Variants in MGAT4C observed in about 807,000 individuals in gnomAD.
The protein encoded by MGAT4C is alpha-1,3-mannosyl-glycoprotein 4-beta-N-acetylglucosaminyltransferase C.
In MGAT4C, 19 loss-of-function variants were observed where a neutral mutation model predicts 40.1. That is an observed-to-expected ratio of 0.47 (90% confidence interval 0.33 to 0.70). MGAT4C has a LOEUF of 0.70. Ranked by LOEUF, MGAT4C falls within the 30% of genes least tolerant of loss-of-function variation. MGAT4C has a pLI of 0.02. For synonymous variants in MGAT4C, 181 were observed against 187.1 expected (o/e 0.97, Z 0.27); for missense variants, 491 against 563.2 (o/e 0.87, Z 1.30).
chr12:86,296,584 G>A (rs576333841), intron 4 of MGAT4C, among the ~76,000 whole-genome samples: 19 of 152,324 alleles, frequency 1.2e-4, no homozygotes, highest in South Asian at 4.1e-4. Flanking sequence ...GAAATCGAGC[G>A]CAGCGCCGGT....
At chr12:86,224,750 C>T (rs1359150683) in intron 1 of MGAT4C, among the ~76,000 whole-genome samples, 3 of 151,974 alleles carry the variant, frequency 2.0e-5, no homozygotes, top group African/African-American at 4.8e-5. Context: ...TGCTTGAAAC[C>T]GATGATACAT....
chr12:86,363,251 C>T (rs909129107), intron 3 of MGAT4C, among the ~76,000 whole-genome samples: 1 of 151,914 alleles, frequency 6.6e-6, no homozygotes, highest in African/African-American at 2.4e-5. Context: ...CAAGATAGGT[C>T]TCATCTATGT....
intron 1 of MGAT4C, among the ~76,000 whole-genome samples, chr12:86,789,342 C>T (rs1008801986): frequency 1.3e-5 from 2 of 152,022 alleles, no homozygotes; most frequent in African/African-American, 4.8e-5. Flanking sequence ...ACAGCAAACC[C>T]GATCTATATT....
chr12:86,706,000 T>C (rs2136623363), intron 2 of MGAT4C, among the ~76,000 whole-genome samples: 1 of 152,292 alleles, frequency 6.6e-6, no homozygotes, highest in East Asian at 1.9e-4. Flanking sequence ...CAAGAGTCAT[T>C]CAATTCATCA....
intron 2 of MGAT4C, among the ~76,000 whole-genome samples, chr12:85,992,492 C>G (rs982814770): frequency 6.6e-6 from 1 of 152,148 alleles, no homozygotes; most frequent in Non-Finnish European, 1.5e-5. Flanking sequence ...TTCTTTCTCT[C>G]TTTTGTGGCT....
chr12:86,528,195 A>G (rs1389211368), intron 2 of MGAT4C, among the ~76,000 whole-genome samples: 1 of 152,112 alleles, frequency 6.6e-6, no homozygotes, highest in African/African-American at 2.4e-5. Flanking sequence ...GAAATAATTT[A>G]TGTATTTTTA....
intron 2 of MGAT4C, among the ~76,000 whole-genome samples, chr12:86,715,724 C>G (rs1038838287): frequency 6.6e-6 from 1 of 152,154 alleles, no homozygotes; most frequent in African/African-American, 2.4e-5. Flanking sequence ...TCCTTTTACT[C>G]TGTCACTATA....
At chr12:86,397,065 C>A (rs1417056217) in intron 3 of MGAT4C, among the ~76,000 whole-genome samples, 3 of 121,570 alleles carry the variant, frequency 2.5e-5, no homozygotes, top group Non-Finnish European at 3.5e-5. Flanking sequence ...AAGATGGAGG[C>A]CTGCATTTTA....
chr12:86,221,424 G>T (rs1469908140), intron 1 of MGAT4C, among the ~76,000 whole-genome samples: 1 of 152,104 alleles, frequency 6.6e-6, no homozygotes, highest in Non-Finnish European at 1.5e-5. Context: ...ATTCCATACT[G>T]AGGACTAAAC....
In MGAT4C at chr12:86,100,840, G is replaced by T. The variant is rs546783488; in HGVS notation, c.-56-51117C>A. Among the ~76,000 whole-genome samples, 11 of 151,552 alleles carry T rather than the reference G, an allele frequency of 7.3e-5. No homozygotes were observed. The East Asian group carries it at 1.9e-3, about 27-fold the overall frequency. On this transcript the variant is annotated intron_variant, in intron 1 of 4. Transcript: ENST00000611864. ...AATATTCATAACTGGGGCTAGCACAGTAATTGAATGTTATTAGAGAAAAGG... is the reference window on the plus strand; with the variant it reads ...AATATTCATAACTGGGGCTAGCACATTAATTGAATGTTATTAGAGAAAAGG...
intron 1 of MGAT4C, among the ~76,000 whole-genome samples, chr12:86,150,433 C>T (rs922830249): frequency 6.6e-6 from 1 of 152,202 alleles, no homozygotes; most frequent in African/African-American, 2.4e-5. Flanking sequence ...ACTGTCCCTG[C>T]ACTTCCACTC....
chr12:86,521,430 T>C (rs951911879), intron 2 of MGAT4C, among the ~76,000 whole-genome samples: 4 of 152,126 alleles, frequency 2.6e-5, no homozygotes, highest in African/African-American at 9.7e-5. Context: ...TTGGTCTATA[T>C]GTCTGTTTTT....
chr12:86,427,913 G>A (rs915003032), intron 3 of MGAT4C, among the ~76,000 whole-genome samples: 9 of 151,922 alleles, frequency 5.9e-5, no homozygotes, highest in South Asian at 2.1e-4. Context: ...CCAGCTACTC[G>A]GGAGGCTGAG....
At chr12:86,418,958 C>T (rs1002103497) in intron 3 of MGAT4C, among the ~76,000 whole-genome samples, 1 of 152,060 alleles carries the variant, frequency 6.6e-6, no homozygotes, top group African/African-American at 2.4e-5. Context: ...AGAAAAAATG[C>T]TCATATTTTT....
At chr12:86,107,065 T>C (rs1038052048) in intron 1 of MGAT4C, among the ~76,000 whole-genome samples, 1 of 152,186 alleles carries the variant, frequency 6.6e-6, no homozygotes, top group Non-Finnish European at 1.5e-5. Context: ...TAAGTGTTTT[T>C]CTTTAGTAAA....
intron 4 of MGAT4C, among the ~76,000 whole-genome samples, chr12:86,282,999 T>G (rs947584134): frequency 2.0e-5 from 3 of 152,100 alleles, no homozygotes; most frequent in Admixed American, 1.3e-4. Flanking sequence ...TATATCATCT[T>G]GGGCATGTGC....
At chr12:86,630,839 G>T (rs1963009577) in intron 2 of MGAT4C, among the ~76,000 whole-genome samples, 1 of 152,076 alleles carries the variant, frequency 6.6e-6, no homozygotes. Context: ...TTTGAAAACT[G>T]GCACAAGACA....
intron 2 of MGAT4C, among the ~76,000 whole-genome samples, chr12:86,030,404 TGTTA>T (rs1485923209): frequency 2.6e-5 from 4 of 151,766 alleles, no homozygotes; most frequent in African/African-American, 9.7e-5. Flanking sequence ...TATGGCTTAA[TGTTA>T]GTGAGTATGA....
At chr12:86,168,806 T>C (rs530015044) in intron 1 of MGAT4C, among the ~76,000 whole-genome samples, 1 of 152,122 alleles carries the variant, frequency 6.6e-6, no homozygotes, top group South Asian at 2.1e-4. Flanking sequence ...ATGCAGTGTC[T>C]GAGGTAATAT....
Sources: allele counts gnomAD v4.1 joint callset (sites outside exome capture counted in the v4.1 genomes callset), GRCh38; gene constraint gnomAD v4.1.1; transcripts MANE v1.5; gene names NCBI Gene and HGNC (gene_info 2026-07-23, HGNC 2026-07-21).